Variants in DPP6 observed in about 807,000 individuals in gnomAD.
DPP6 encodes the protein dipeptidyl peptidase like 6.
DPP6 carries 69 observed loss-of-function variants against 122.6 expected under a neutral mutation model. The ratio of observed to expected loss-of-function variants is 0.56; its 90% CI spans 0.46 to 0.69. The LOEUF (loss-of-function observed/expected upper bound fraction) is 0.69. DPP6 is among the 30% of genes least tolerant of loss of function. The pLI, the probability that DPP6 is intolerant of heterozygous loss-of-function variation, is 0.00. For missense variants in DPP6, 928 were observed against 1,116.9 expected (o/e 0.83, Z 2.41); for synonymous variants, 418 against 433.1 (o/e 0.97, Z 0.43).
chr7:153,904,925 A>G (rs1379448766), intron 1 of DPP6, among the ~76,000 whole-genome samples: 1 of 152,236 alleles, frequency 6.6e-6, no homozygotes, highest in Non-Finnish European at 1.5e-5. Flanking sequence ...AGACGCAAAG[A>G]TAGACAGGAA....
chr7:154,894,097 T>A lies in DPP6; in HGVS notation c.*1617T>A, dbSNP rs1189779571. 1 of 152,216 alleles carries A rather than the reference T, an allele frequency of 6.6e-6. No homozygotes were observed. Among genetic ancestry groups the A allele is most frequent in the Non-Finnish European group, 1.5e-5 (1 of 68,052 alleles). 9.4% of individuals were successfully genotyped at this position (152,216 alleles called of 1,614,324 possible). On this transcript the variant is annotated 3_prime_UTR_variant, in exon 26 of 26. Transcript: ENST00000377770. ...ACCACCATTTGTGAAAGGACCAACG[T>A]GCTGATAAACAGGACCGATCCGAGT...
chr7:153,881,983 G>A, the DPP6 span, among the ~76,000 whole-genome samples: 14 of 152,196 alleles, frequency 9.2e-5, no homozygotes, highest in East Asian at 1.2e-3. Flanking sequence ...ACCAGACACC[G>A]TGAGATCCTC....
intron 3 of DPP6, among the ~76,000 whole-genome samples, chr7:154,511,019 A>G (rs1826051217): frequency 6.6e-6 from 1 of 151,888 alleles, no homozygotes; most frequent in Non-Finnish European, 1.5e-5. Context: ...TGGAGGAGGT[A>G]TGCAGGATAA....
At chr7:153,920,532 T>TAGG (rs1800582540) in intron 1 of DPP6, among the ~76,000 whole-genome samples, 1 of 148,618 alleles carries the variant, frequency 6.7e-6, no homozygotes, top group African/African-American at 2.5e-5. Flanking sequence ...ACTTCCTGTG[T>TAGG]AGGTAGTCAA....
At chr7:153,773,861 AC>A in the DPP6 span, among the ~76,000 whole-genome samples, 2 of 145,348 alleles carry the variant, frequency 1.4e-5, no homozygotes, top group African/African-American at 5.3e-5. Flanking sequence ...GGCAACAAAG[AC>A]AAAAAAAAAA....
chr7:153,993,655 G>A (rs1181288113), intron 1 of DPP6, among the ~76,000 whole-genome samples: 7 of 152,048 alleles, frequency 4.6e-5, no homozygotes, highest in Non-Finnish European at 8.8e-5. Context: ...ACCAAGGCTA[G>A]AAATCATAAT....
intron 1 of DPP6, among the ~76,000 whole-genome samples, chr7:154,421,198 G>A (rs941539805): frequency 7.9e-5 from 12 of 152,124 alleles, no homozygotes; most frequent in Admixed American, 2.6e-4. Context: ...AGATCCTGCC[G>A]CAGGGTCTTG....
At chr7:153,802,074 T>C in the DPP6 span, among the ~76,000 whole-genome samples, 1 of 152,190 alleles carries the variant, frequency 6.6e-6, no homozygotes, top group Non-Finnish European at 1.5e-5. Flanking sequence ...AATGCCGAGA[T>C]GTTGAATTGC....
At chr7:153,790,874 A>G in the DPP6 span, among the ~76,000 whole-genome samples, 8 of 152,202 alleles carry the variant, frequency 5.3e-5, no homozygotes, top group African/African-American at 1.9e-4. Flanking sequence ...AGTATTTTGG[A>G]ATCTCAAAGA....
In DPP6 at chr7:154,607,199, A is replaced by T. The variant is rs192129021; in HGVS notation, c.628-30622A>T. ...AGTAAACCTTAAATAAAACTATGGGACACATATGAAGTGCCACTAGTAATG... is the reference window on the plus strand; with the variant it reads ...AGTAAACCTTAAATAAAACTATGGGTCACATATGAAGTGCCACTAGTAATG... On this transcript the variant is annotated intron_variant, in intron 5 of 25. Coordinates refer to ENST00000377770, the MANE Select transcript of DPP6 (RefSeq NM_130797.4). Among the ~76,000 whole-genome samples the T allele has an allele frequency of 1.4e-4, 17 of 120,294 alleles. 4 individuals carry two copies. The highest frequency in any genetic ancestry group is 4.0e-4 in the African/African-American group (15 of 37,876). 78.9% of individuals were successfully genotyped at this position (120,294 alleles called of 152,430 possible). A position where few individuals can be genotyped will look rare whatever the true frequency, so the allele number is the denominator to read the frequency against.
Position 154,282,042 on chromosome 7 carries a change from C to G in DPP6, c.244-164172C>G, listed in dbSNP as rs1804549487. ...AACCTTTCAACACCTCTGTTTCCTC[C>G]CCTGTCCAATGGGGAGATTGACCTC... is the stretch of plus-strand genomic sequence containing the variant. On this transcript the variant is annotated intron_variant, in intron 1 of 25. Transcript: ENST00000377770. This position sits in a 1 kb window ranked among gnomAD's most constrained non-coding sequence, Gnocchi z 4.8. 1.3e-5 allele frequency among the ~76,000 whole-genome samples: 2 copies of G among 152,146 alleles called. No homozygotes were observed. Among genetic ancestry groups the G allele is most frequent in the Admixed American group, 6.5e-5 (1 of 15,278 alleles).
intron 17 of DPP6, among the ~76,000 whole-genome samples, chr7:154,857,017 C>T (rs572811503): frequency 2.0e-5 from 3 of 152,056 alleles, no homozygotes; most frequent in Non-Finnish European, 4.4e-5. Context: ...ATTTATTTTA[C>T]GAGCCTATTT....
At chr7:154,279,724 A>G (rs1804381695) in intron 1 of DPP6, among the ~76,000 whole-genome samples, 1 of 152,198 alleles carries the variant, frequency 6.6e-6, no homozygotes, top group Non-Finnish European at 1.5e-5. Context: ...ACTTAATCGT[A>G]CTGTGGATTG....
At chr7:154,217,388 G>A (rs770631192) in intron 1 of DPP6, among the ~76,000 whole-genome samples, 2 of 152,114 alleles carry the variant, frequency 1.3e-5, no homozygotes, top group African/African-American at 2.4e-5. Flanking sequence ...GAATGAAATG[G>A]GATGGAACAG....
intron 3 of DPP6, among the ~76,000 whole-genome samples, chr7:154,511,849 T>G (rs559875018): frequency 1.3e-5 from 2 of 152,318 alleles, no homozygotes; most frequent in South Asian, 4.1e-4. Context: ...CAAACATTAG[T>G]TGGTGATATA....
intron 5 of DPP6, among the ~76,000 whole-genome samples, chr7:154,571,755 A>T (rs1453759503): frequency 6.6e-6 from 1 of 152,222 alleles, no homozygotes; most frequent in Admixed American, 6.5e-5. Context: ...AAATGGGTTG[A>T]TACACTGATC....
intron 1 of DPP6, among the ~76,000 whole-genome samples, chr7:154,054,126 G>C (rs1403658068): frequency 6.6e-6 from 1 of 151,554 alleles, no homozygotes; most frequent in Non-Finnish European, 1.5e-5. Context: ...CCTTTGAGGA[G>C]TTTCACAACT....
At chr7:154,019,447 T>TTCCCTCCTTCCC (rs1271020321) in intron 1 of DPP6, among the ~76,000 whole-genome samples, 13 of 151,658 alleles carry the variant, frequency 8.6e-5, no homozygotes, top group African/African-American at 3.1e-4. Context: ...TCTCTCTTCC[T>TTCCCTCCTTCCC]TCCCTCCTTC....
intron 8 of DPP6, among the ~76,000 whole-genome samples, chr7:154,761,009 A>AT (rs1487447255): frequency 2.0e-5 from 3 of 151,846 alleles, no homozygotes; most frequent in Non-Finnish European, 4.4e-5. Flanking sequence ...TAATTTTTGT[A>AT]TTTTTAGTAG....
Sources: gnomAD v4.1 joint callset for allele counts (sites outside exome capture counted in the v4.1 genomes callset) on GRCh38, gnomAD v4.1.1 for gene constraint, Gnocchi (gnomAD v3.1) non-coding constraint, MANE v1.5 for transcripts, NCBI Gene and HGNC (gene_info 2026-07-23, HGNC 2026-07-21) for gene names.